The following CD8B2 variants were observed in gnomAD, a reference collection of about 807,000 sequenced individuals.
CD8B2 encodes the protein T-cell surface glycoprotein CD8 beta-2 chain.
A neutral mutation model predicts 23.7 loss-of-function variants in CD8B2; 11 were observed. The observed-to-expected ratio is 0.46, with a 90% CI of 0.29 to 0.77. The LOEUF is 0.77. Among genes scored for constraint, CD8B2 ranks in the 30% least tolerant of loss-of-function variants. CD8B2 has a pLI of 0.09. For missense variants in CD8B2, 197 were observed against 270.5 expected, an observed-to-expected ratio of 0.73 and a Z score of 1.91; for synonymous variants, 90 against 109.3, an observed-to-expected ratio of 0.82 and a Z score of 1.10.
intron 5 of CD8B2, among the ~76,000 whole-genome samples, chr2:106,540,367 C>T (rs1350782974): frequency 6.6e-6 from 1 of 152,020 alleles, no homozygotes; most frequent in African/African-American, 2.4e-5. Flanking sequence ...CCTAGGAGAC[C>T]AGCCCACCAA....
At chr2:106,526,518 T>C (rs1405845900) in intron 5 of CD8B2, among the ~76,000 whole-genome samples, 1 of 152,250 alleles carries the variant, frequency 6.6e-6, no homozygotes, top group Non-Finnish European at 1.5e-5. Flanking sequence ...TCATACACTA[T>C]GTGGACTTCA....
intron 2 of CD8B2, among the ~76,000 whole-genome samples, chr2:106,494,818 T>C (rs1679267655): frequency 6.6e-6 from 1 of 152,216 alleles, no homozygotes; most frequent in South Asian, 2.1e-4. Context: ...CAGCTCCCCT[T>C]GTCTCTGGTG....
At chr2:106,538,151 G>A (rs941345155) in intron 5 of CD8B2, 2 of 152,130 alleles carry the variant, frequency 1.3e-5, no homozygotes, top group Admixed American at 6.5e-5. Flanking sequence ...GACCTTGCAA[G>A]CTTCCTCATG....
At chr2:106,499,531 CAAAAAAAA>C (rs58020024) in intron 3 of CD8B2, among the ~76,000 whole-genome samples, 1 of 87,134 alleles carries the variant, frequency 1.1e-5, no homozygotes, top group Admixed American at 1.2e-4. Flanking sequence ...GACCCTGTCT[CAAAAAAAA>C]AAAAAAAAAA....
intron 5 of CD8B2, among the ~76,000 whole-genome samples, chr2:106,527,520 C>T (rs1182073295): frequency 6.6e-6 from 1 of 152,244 alleles, no homozygotes; most frequent in Non-Finnish European, 1.5e-5. Flanking sequence ...CACAGTGGCT[C>T]ACGCCTGTAA....
At chr2:106,533,177 G>A (rs551630270) in intron 5 of CD8B2, among the ~76,000 whole-genome samples, 34 of 152,346 alleles carry the variant, frequency 2.2e-4, no homozygotes, top group African/African-American at 6.0e-4. Flanking sequence ...CCAGGGGACA[G>A]GAATGCCACA....
chr2:106,537,540 C>T (rs1680108180), intron 5 of CD8B2, among the ~76,000 whole-genome samples: 1 of 152,148 alleles, frequency 6.6e-6, no homozygotes, highest in Non-Finnish European at 1.5e-5. Flanking sequence ...GGCACACTTG[C>T]ACAGATTTCT....
chr2:106,512,203 G>A (rs1573340991), downstream of CD8B2, among the ~76,000 whole-genome samples: 4 of 151,986 alleles, frequency 2.6e-5, no homozygotes, highest in African/African-American at 7.2e-5. Flanking sequence ...AGCCTCCTGA[G>A]TTTCTGGGAC....
intron 5 of CD8B2, among the ~76,000 whole-genome samples, chr2:106,523,038 A>C (rs763761271): frequency 6.6e-6 from 1 of 152,092 alleles, no homozygotes; most frequent in African/African-American, 2.4e-5. Context: ...AAGCCACATA[A>C]ATTATGTAGT....
intron 3 of CD8B2, among the ~76,000 whole-genome samples, chr2:106,498,232 C>T (rs750706097): frequency 6.6e-6 from 1 of 151,756 alleles, no homozygotes. Flanking sequence ...ATTGCAACCT[C>T]CGCCTCCCAG....
intron 5 of CD8B2, among the ~76,000 whole-genome samples, chr2:106,542,757 A>T (rs552211454): frequency 6.7e-6 from 1 of 149,420 alleles, no homozygotes; most frequent in South Asian, 2.1e-4. Context: ...AATACATACT[A>T]TATATGAAGT....
Position 106,533,946 on chromosome 2 carries a change from A to G in CD8B2, c.621-10046A>G, listed in dbSNP as rs12615289. 1.1e-3 allele frequency among the ~76,000 whole-genome samples: 170 copies of G among 152,322 alleles called. No individual in the cohort carries two copies. The East Asian group carries it at 0.031, about 28-fold the overall frequency. On this transcript the variant is annotated intron_variant, in intron 5 of 5. Transcript: ENST00000416057. ...AGGCTTCTTGGGATCCATCATTAAG[A>G]ATGTGTACAAGGAATTACAGCTAAT...
chr2:106,542,655 GGTATATATTATATATGAA>G (rs1220284197), intron 5 of CD8B2, among the ~76,000 whole-genome samples: 5 of 145,874 alleles, frequency 3.4e-5, no homozygotes, highest in African/African-American at 1.3e-4. Flanking sequence ...TAAATATATA[GGTATATATTATATATGAA>G]GTATATATTA....
At chr2:106,536,451 G>A (rs1680092217) in intron 5 of CD8B2, among the ~76,000 whole-genome samples, 1 of 152,152 alleles carries the variant, frequency 6.6e-6, no homozygotes, top group Non-Finnish European at 1.5e-5. Context: ...CAACTTTGGG[G>A]ATTAAATTTG....
chr2:106,506,792 T>C (rs561956398), intron 5 of CD8B2, 136 bp from the exon 6 acceptor site: 5 of 1,153,154 alleles, frequency 4.3e-6, no homozygotes, highest in South Asian at 3.3e-5. Flanking sequence ...CCTAGAAACA[T>C]ACTAACAAAA....
At chr2:106,499,589 C>T (rs1023244829) in intron 3 of CD8B2, among the ~76,000 whole-genome samples, 1 of 151,550 alleles carries the variant, frequency 6.6e-6, no homozygotes, top group African/African-American at 2.4e-5. Context: ...GCAAAGTTCA[C>T]CCATTTTAAG....
rs535833170 is a variant in CD8B2, at chr2:106,504,165, G to T, written c.584-124G>T. ...AAAATGTGTAAAGTGTTTGGGCCAG[G>T]GTCTGGGACCAGGGAGGTGGGCTGA... On this transcript the variant is annotated intron_variant, in intron 4 of 5. Coordinates refer to ENST00000643224, the MANE Select transcript of CD8B2 (RefSeq NM_001349727.2). 5.0e-6 allele frequency: 6 copies of T among 1,203,698 alleles called. No homozygotes were observed. In the South Asian group the frequency reaches 9.3e-5, roughly 19 times the overall value. 74.6% of individuals were successfully genotyped at this position (1,203,698 alleles called of 1,614,324 possible).
downstream of CD8B2, among the ~76,000 whole-genome samples, chr2:106,513,730 C>T (rs980169576): frequency 5.3e-5 from 8 of 152,088 alleles, no homozygotes; most frequent in African/African-American, 1.9e-4. Flanking sequence ...TCCACCCTTA[C>T]CTCAGCCTCA....
At chr2:106,522,377 C>T (rs1679840458) in intron 5 of CD8B2, among the ~76,000 whole-genome samples, 1 of 152,134 alleles carries the variant, frequency 6.6e-6, no homozygotes, top group Non-Finnish European at 1.5e-5. Context: ...ATAGAGATGT[C>T]CACAATTTAA....
Sources: gnomAD v4.1 joint callset for allele counts (sites outside exome capture counted in the v4.1 genomes callset) on GRCh38, gnomAD v4.1.1 for gene constraint, MANE v1.5 for transcripts, NCBI Gene and HGNC (gene_info 2026-07-23, HGNC 2026-07-21) for gene names.